The following SYT1 variants were observed in gnomAD, a reference collection of about 807,000 sequenced individuals.
The protein encoded by SYT1 is synaptotagmin-1.
A neutral mutation model predicts 44.8 loss-of-function variants in SYT1; 8 were observed. That is an observed-to-expected ratio of 0.18 (90% CI 0.10 to 0.32). SYT1 has a LOEUF of 0.32. SYT1 is among the 10% of genes least tolerant of loss of function. SYT1 has a pLI of 1.00. For synonymous variants in SYT1, 154 were observed against 188.8 expected (o/e 0.82, Z 1.51); for missense variants, 286 against 509.3 (o/e 0.56, Z 4.22).
chr12:79,371,954 C>T (rs1386007154), intron 9 of SYT1, among the ~76,000 whole-genome samples: 2 of 152,176 alleles, frequency 1.3e-5, no homozygotes, highest in Non-Finnish European at 2.9e-5. Context: ...ATACTGTCCA[C>T]GTTTTTTCAC....
At position 79,294,114 on chromosome 12, in the gene SYT1, G is replaced by A. The variant is rs949714349; in HGVS notation, c.475-1955G>A. 2.0e-5 allele frequency among the ~76,000 whole-genome samples: 3 copies of A among 151,910 alleles called. No homozygotes were observed. The South Asian group carries it at 6.2e-4, about 32-fold the overall frequency. ...TATTTTCCAGTGGAAATCTAGTGGT[G>A]TCTCATTCTGATTAGTCATAATTTT... On this transcript the variant is annotated intron_variant, in intron 6 of 10. Transcript: ENST00000261205.
At chr12:78,995,290 C>T (rs1383210933) in intron 2 of SYT1, among the ~76,000 whole-genome samples, 1 of 152,154 alleles carries the variant, frequency 6.6e-6, no homozygotes, top group Non-Finnish European at 1.5e-5. Context: ...GTGTCTATAT[C>T]CACTTTTAGA....
At chr12:79,302,879 A>G (rs1014057419) in intron 8 of SYT1, among the ~76,000 whole-genome samples, 1 of 152,136 alleles carries the variant, frequency 6.6e-6, no homozygotes, top group Non-Finnish European at 1.5e-5. Flanking sequence ...TAAAACAGAA[A>G]TATGTATCCT....
chr12:79,128,966 A>C (rs1868624270), intron 3 of SYT1, among the ~76,000 whole-genome samples: 1 of 152,168 alleles, frequency 6.6e-6, no homozygotes, highest in Non-Finnish European at 1.5e-5. Context: ...AAAAGTGTAG[A>C]TATAAGACAA....
intron 3 of SYT1, among the ~76,000 whole-genome samples, chr12:79,156,998 C>G (rs929152282): frequency 8.6e-5 from 13 of 152,014 alleles, no homozygotes; most frequent in Non-Finnish European, 1.8e-4. Context: ...AAGAGAGAGA[C>G]AGACTGATGG....
chr12:79,098,645 C>T (rs565979604), intron 3 of SYT1, among the ~76,000 whole-genome samples: 1 of 152,240 alleles, frequency 6.6e-6, no homozygotes, highest in East Asian at 1.9e-4. Context: ...TTAGTGGTGA[C>T]TTAGTACGAT....
intron 3 of SYT1, among the ~76,000 whole-genome samples, chr12:79,181,444 T>C: frequency 6.6e-6 from 1 of 152,068 alleles, no homozygotes. Context: ...CATTGTTTCT[T>C]AGAGTATGGA....
At chr12:79,357,066 A>T (rs1463148738) in intron 9 of SYT1, among the ~76,000 whole-genome samples, 1 of 152,224 alleles carries the variant, frequency 6.6e-6, no homozygotes. Flanking sequence ...AATTAACAAA[A>T]CATTTGAGAA....
rs1203862034 is a variant in SYT1, at chr12:79,230,544, T to C, written c.166+12859T>C. Among the ~76,000 whole-genome samples the C allele has an allele frequency of 1.1e-4, 17 of 152,174 alleles. 1 individual carries two copies. The stretch of plus-strand genomic sequence containing the variant: ...ATATTATAAAATATTTGTTATGAAC[T>C]GGGGTAATACTGATTTTAAAAAACA... On this transcript the variant is annotated intron_variant, in intron 4 of 10. Coordinates refer to ENST00000261205, the MANE Select transcript of SYT1 (RefSeq NM_005639.3).
chr12:79,414,693 G>A lies in SYT1; in HGVS notation c.929-29380G>A, dbSNP rs533659094. Among the ~76,000 whole-genome samples, 8 of 152,160 alleles carry A rather than the reference G, an allele frequency of 5.3e-5. No individual in the cohort carries two copies. The South Asian group carries it at 1.7e-3, about 32-fold the overall frequency. ...GGCATCAACTGCCTGAAGATAAAAG[G>A]AATACAATTAATATAAATAAAGGGC... On this transcript the variant is annotated intron_variant, in intron 9 of 10. Coordinates refer to ENST00000261205, the MANE Select transcript of SYT1 (RefSeq NM_005639.3).
chr12:79,320,655 T>C (rs1228046865), intron 8 of SYT1, among the ~76,000 whole-genome samples: 5 of 148,008 alleles, frequency 3.4e-5, no homozygotes, highest in African/African-American at 1.0e-4. Context: ...CCCCTTTTTT[T>C]TTTTTTTTTT....
chr12:79,220,478 C>G (rs145457764), intron 4 of SYT1, among the ~76,000 whole-genome samples: 3 of 151,520 alleles, frequency 2.0e-5, no homozygotes, highest in Non-Finnish European at 4.4e-5. Context: ...CTTTGTTTTT[C>G]TAATTTCTTG....
At chr12:79,357,231 T>C (rs1469999514) in intron 9 of SYT1, among the ~76,000 whole-genome samples, 1 of 152,206 alleles carries the variant, frequency 6.6e-6, no homozygotes, top group African/African-American at 2.4e-5. Context: ...CCTTCATACT[T>C]TACAGTGACA....
intron 2 of SYT1, among the ~76,000 whole-genome samples, chr12:79,022,094 G>A (rs1378975575): frequency 6.6e-6 from 1 of 150,944 alleles, no homozygotes; most frequent in Non-Finnish European, 1.5e-5. Flanking sequence ...CAATGAATTT[G>A]CGGAAGAAAA....
chr12:79,323,593 CTG>C (rs929464530), intron 8 of SYT1, among the ~76,000 whole-genome samples: 1 of 152,140 alleles, frequency 6.6e-6, no homozygotes, highest in African/African-American at 2.4e-5. Context: ...CACTAACAAA[CTG>C]AGCCTTTAGC....
At chr12:78,948,421 A>G (rs1182748986) in intron 1 of SYT1, among the ~76,000 whole-genome samples, 1 of 152,028 alleles carries the variant, frequency 6.6e-6, no homozygotes, top group Non-Finnish European at 1.5e-5. Flanking sequence ...TATTTAGCAT[A>G]GTTCATAACC....
chr12:78,911,821 T>G (rs773335985), intron 1 of SYT1, among the ~76,000 whole-genome samples: 3 of 151,990 alleles, frequency 2.0e-5, no homozygotes, highest in Non-Finnish European at 4.4e-5. Flanking sequence ...GATTGCCTCA[T>G]TTCTTTCACT....
chr12:79,314,795 C>CA (rs1186802820), intron 8 of SYT1, among the ~76,000 whole-genome samples: 3 of 151,944 alleles, frequency 2.0e-5, no homozygotes, highest in African/African-American at 7.3e-5. Context: ...TCATAACAGC[C>CA]AAAAAAGTAG....
chr12:78,928,440 T>C (rs1264401623), intron 1 of SYT1, among the ~76,000 whole-genome samples: 3 of 152,210 alleles, frequency 2.0e-5, no homozygotes, highest in African/African-American at 4.8e-5. Flanking sequence ...ATTCTTACCA[T>C]AGACATTAGC....
Sources: allele counts gnomAD v4.1 joint callset (sites outside exome capture counted in the v4.1 genomes callset), GRCh38; gene constraint gnomAD v4.1.1; transcripts MANE v1.5; gene names NCBI Gene and HGNC (gene_info 2026-07-23, HGNC 2026-07-21).